PDE10A: variants seen among roughly 807,000 people sequenced by gnomAD.
PDE10A encodes the protein cAMP and cAMP-inhibited cGMP 3',5'-cyclic phosphodiesterase 10A.
In PDE10A, 39 loss-of-function variants were observed where a neutral mutation model predicts 97.7. The observed-to-expected ratio is 0.40, with a 90% CI of 0.31 to 0.52. The LOEUF is 0.52. PDE10A is among the 20% of genes least tolerant of loss of function. The pLI, the probability that PDE10A is intolerant of heterozygous loss-of-function variation, is 0.56. For missense variants in PDE10A, 731 were observed against 1,047.8 expected, an observed-to-expected ratio of 0.70 and a Z score of 4.17; for synonymous variants, 371 against 376.8, an observed-to-expected ratio of 0.98 and a Z score of 0.18.
At chr6:165,333,931 C>A (rs1055239609) in intron 21 of PDE10A, among the ~76,000 whole-genome samples, 2 of 152,222 alleles carry the variant, frequency 1.3e-5, no homozygotes, top group Non-Finnish European at 2.9e-5. Flanking sequence ...TTTTAAAATT[C>A]TCTCAAATTT....
At chr6:165,475,715 GA>G (rs759713019) in intron 3 of PDE10A, among the ~76,000 whole-genome samples, 14 of 152,194 alleles carry the variant, frequency 9.2e-5, no homozygotes, top group Non-Finnish European at 1.9e-4. Context: ...ACATGGAATA[GA>G]AATCCAGAGA....
At chr6:165,927,280 T>C (rs1234832597) in intron 1 of PDE10A, among the ~76,000 whole-genome samples, 1 of 152,182 alleles carries the variant, frequency 6.6e-6, no homozygotes, top group Non-Finnish European at 1.5e-5. Context: ...TAGTGAAGTA[T>C]GGCTTTCAGG....
At chr6:165,847,084 C>T (rs938166533) in intron 1 of PDE10A, among the ~76,000 whole-genome samples, 3 of 152,180 alleles carry the variant, frequency 2.0e-5, no homozygotes, top group African/African-American at 7.2e-5. Flanking sequence ...CTTGTTTTGA[C>T]GGCATTTTCC....
intron 17 of PDE10A, among the ~76,000 whole-genome samples, 199 bp from the exon 18 acceptor site, chr6:165,379,565 A>C (rs1420286025): frequency 6.6e-6 from 1 of 152,232 alleles, no homozygotes; most frequent in Admixed American, 6.5e-5. Context: ...TAAGCTACAG[A>C]AACAATGAAG....
intron 1 of PDE10A, among the ~76,000 whole-genome samples, chr6:165,568,281 G>A (rs893555406): frequency 6.6e-6 from 1 of 152,080 alleles, no homozygotes; most frequent in Non-Finnish European, 1.5e-5. Context: ...TTACAGGCGT[G>A]AGCCACCGCA....
chr6:165,420,706 GA>G lies in PDE10A; in HGVS notation c.1654-1930del, dbSNP rs1189361459. 2.6e-5 allele frequency among the ~76,000 whole-genome samples: 4 copies of G among 152,078 alleles called. No individual in the cohort carries two copies. The East Asian group carries it at 7.7e-4, about 29-fold the overall frequency. On this transcript the variant is annotated intron_variant, in intron 10 of 21. Coordinates refer to ENST00000539869, the MANE Select transcript of PDE10A (RefSeq NM_001385079.1). ...AAATAAAATAAGCTTAGAAAGTGCT[GA>G]AAAATATAAATCCAACCAGAATCAT...
chr6:165,897,374 G>A (rs1391628721), intron 1 of PDE10A, among the ~76,000 whole-genome samples: 1 of 152,074 alleles, frequency 6.6e-6, no homozygotes, highest in African/African-American at 2.4e-5. Context: ...AATTGGGGAA[G>A]AAATGACCTG....
chr6:165,844,286 G>A (rs1780345331), intron 1 of PDE10A, among the ~76,000 whole-genome samples: 2 of 152,156 alleles, frequency 1.3e-5, no homozygotes, highest in African/African-American at 2.4e-5. Context: ...ATTGAAAAGA[G>A]GAGAAGCAGA....
At chr6:165,459,126 T>C (rs1457005187) in intron 3 of PDE10A, among the ~76,000 whole-genome samples, 2 of 152,200 alleles carry the variant, frequency 1.3e-5, no homozygotes, top group Admixed American at 6.5e-5. Context: ...AGCGAAACAA[T>C]GAAGTGATGA....
chr6:165,346,784 G>T (rs1486786685), intron 18 of PDE10A, among the ~76,000 whole-genome samples: 2 of 152,150 alleles, frequency 1.3e-5, no homozygotes, highest in African/African-American at 4.8e-5. Context: ...TGGAAAAGAA[G>T]AAACACCCAT....
upstream of PDE10A, among the ~76,000 whole-genome samples, chr6:165,665,636 G>A (rs963322684): frequency 1.3e-5 from 2 of 151,614 alleles, no homozygotes; most frequent in Non-Finnish European, 2.9e-5. Flanking sequence ...AGTGCTCTTG[G>A]TAAAATAAAC....
chr6:165,571,716 C>T (rs905473950), intron 1 of PDE10A, among the ~76,000 whole-genome samples: 3 of 152,150 alleles, frequency 2.0e-5, no homozygotes, highest in African/African-American at 4.8e-5. Flanking sequence ...AGTTGACCTG[C>T]CTGTATTTAT....
chr6:165,480,717 T>C (rs1779557308), intron 3 of PDE10A, among the ~76,000 whole-genome samples: 1 of 152,212 alleles, frequency 6.6e-6, no homozygotes. Flanking sequence ...AGGGATGTGT[T>C]AGAGCAGAAG....
At chr6:165,587,953 C>T (rs1786012542) in intron 1 of PDE10A, among the ~76,000 whole-genome samples, 1 of 152,150 alleles carries the variant, frequency 6.6e-6, no homozygotes, top group Non-Finnish European at 1.5e-5. Context: ...AGATTCATTA[C>T]GATGTTTGCT....
At chr6:165,970,311 A>G (rs1784630604) in intron 1 of PDE10A, among the ~76,000 whole-genome samples, 1 of 152,196 alleles carries the variant, frequency 6.6e-6, no homozygotes. Flanking sequence ...CAAAACCTGA[A>G]TGAGATTTGA....
At chr6:165,815,940 A>G (rs1400317557) in intron 1 of PDE10A, among the ~76,000 whole-genome samples, 5 of 150,546 alleles carry the variant, frequency 3.3e-5, no homozygotes, top group African/African-American at 4.9e-5. Flanking sequence ...CTCCAGGCTC[A>G]TATTTTCTTT....
At chr6:165,552,721 C>G (rs930097460) in intron 1 of PDE10A, among the ~76,000 whole-genome samples, 4 of 152,188 alleles carry the variant, frequency 2.6e-5, no homozygotes, top group African/African-American at 7.2e-5. Context: ...TCCTTCGGCT[C>G]TCATCAAGCA....
At chr6:165,954,909 C>T (rs3914144) in intron 1 of PDE10A, among the ~76,000 whole-genome samples, 8,856 of 152,098 alleles carry the variant, frequency 0.058, 301 homozygotes, top group Middle Eastern at 0.19. Flanking sequence ...GCTAAAGCAA[C>T]AGGCTTTGTT....
At chr6:165,476,160 AAAG>A (rs1210577415) in intron 3 of PDE10A, among the ~76,000 whole-genome samples, 4 of 152,188 alleles carry the variant, frequency 2.6e-5, no homozygotes, top group Admixed American at 6.5e-5. Context: ...CATAAGACAA[AAAG>A]AAGAAAAAAA....
Sources: gnomAD v4.1 joint callset for allele counts (sites outside exome capture counted in the v4.1 genomes callset) on GRCh38, gnomAD v4.1.1 for gene constraint, MANE v1.5 for transcripts, NCBI Gene and HGNC (gene_info 2026-07-23, HGNC 2026-07-21) for gene names.